Variants in PCDHA5 observed in about 807,000 individuals in gnomAD.
The protein encoded by PCDHA5 is protocadherin alpha 5.
In PCDHA5, 43 loss-of-function variants were observed where a neutral mutation model predicts 61.6. The ratio of observed to expected loss-of-function variants is 0.70; its 90% confidence interval spans 0.55 to 0.90. The LOEUF (loss-of-function observed/expected upper bound fraction) is 0.90, where lower values mean the gene tolerates loss of function less well. PCDHA5 is among the 40% of genes least tolerant of loss of function. PCDHA5 has a pLI of 0.00. For synonymous variants in PCDHA5, 627 were observed against 543.9 expected (o/e 1.15, Z -2.13); for missense variants, 1,298 against 1,222.7 (o/e 1.06, Z -0.92).
At chr5:140,886,201 T>C (rs1224274096) in intron 1 of PCDHA5, among the ~76,000 whole-genome samples, 2 of 152,140 alleles carry the variant, frequency 1.3e-5, no homozygotes, top group African/African-American at 2.4e-5. Flanking sequence ...AGTAATCTGT[T>C]CTCCATTTCT....
chr5:140,884,253 C>G (rs1356283866), intron 1 of PCDHA5: 2 of 1,613,302 alleles, frequency 1.2e-6, no homozygotes, highest in Non-Finnish European at 1.7e-6. Flanking sequence ...CTGACGGCCA[C>G]GGCAACGGTG....
chr5:140,870,229 C>G, intron 1 of PCDHA5: 3 of 1,614,164 alleles, frequency 1.9e-6, no homozygotes, highest in Non-Finnish European at 2.5e-6. Flanking sequence ...CGTGTCTGAC[C>G]GTGACTCAGG....
At chr5:140,835,920 G>C (rs2150248409) in intron 1 of PCDHA5, 2 of 1,612,396 alleles carry the variant, frequency 1.2e-6, no homozygotes, top group Non-Finnish European at 1.7e-6. Flanking sequence ...AGTGCACGCG[G>C]AGAGCGGCAA....
At position 140,856,560 on chromosome 5, in the gene PCDHA5, T is replaced by G. The variant is rs782375648; in HGVS notation, c.2352+32433T>G. 94 of 1,597,798 alleles carry G rather than the reference T, an allele frequency of 5.9e-5. 1 individual carries two copies. ...GAGAACGCATTGCTTACTTACAAAC[T>G]CAGTCCAAATGAGTATTTTGTTCTT... On this transcript the variant is annotated intron_variant, in intron 1 of 3. Transcript: ENST00000529859.
Position 140,836,049 on chromosome 5 carries a change from C to T in PCDHA5, c.2352+11922C>T, listed in dbSNP as rs1223853934. ...CAACGTGACGCTGCAGGTGTTCGTG[C>T]TGGACGAGAACGACAACGCGCCGGC... On this transcript the variant is annotated intron_variant, in intron 1 of 3. Transcript: ENST00000529859. 4 of 1,613,294 alleles carry T rather than the reference C, an allele frequency of 2.5e-6. No homozygotes were observed. The South Asian group carries it at 3.3e-5, about 13-fold the overall frequency.
chr5:140,873,656 A>G (rs1364222797), intron 1 of PCDHA5, among the ~76,000 whole-genome samples: 2 of 152,120 alleles, frequency 1.3e-5, no homozygotes, highest in Non-Finnish European at 2.9e-5. Flanking sequence ...TACATAACAC[A>G]CTATTATTAT....
intron 3 of PCDHA5, among the ~76,000 whole-genome samples, chr5:140,987,146 G>A (rs942853645): frequency 1.3e-5 from 2 of 151,812 alleles, no homozygotes; most frequent in Non-Finnish European, 2.9e-5. Flanking sequence ...CTCGGGAGGT[G>A]GAGGTTGCAG....
At chr5:140,892,819 A>G (rs551280418) in intron 1 of PCDHA5, among the ~76,000 whole-genome samples, 2 of 152,304 alleles carry the variant, frequency 1.3e-5, no homozygotes, top group South Asian at 4.1e-4. Context: ...TTTATCCTAC[A>G]GTGCTACAGT....
intron 1 of PCDHA5, among the ~76,000 whole-genome samples, chr5:140,945,772 T>C (rs538344111): frequency 1.3e-5 from 2 of 152,110 alleles, no homozygotes; most frequent in Non-Finnish European, 2.9e-5. Flanking sequence ...GACAATTTGA[T>C]ATCCAGATGC....
intron 1 of PCDHA5, chr5:140,830,261 T>C (rs1554132677): frequency 1.2e-6 from 2 of 1,613,550 alleles, no homozygotes; most frequent in African/African-American, 1.3e-5. Flanking sequence ...GCTGCGGTGC[T>C]CGGCGCCACC....
intron 1 of PCDHA5, chr5:140,871,257 G>A (rs374337862): frequency 1.2e-6 from 2 of 1,613,940 alleles, no homozygotes; most frequent in Admixed American, 1.7e-5. Context: ...TGCTGTATAC[G>A]GCGCTGTGGT....
intron 1 of PCDHA5, among the ~76,000 whole-genome samples, chr5:140,891,939 C>G (rs1475126639): frequency 3.3e-5 from 5 of 152,212 alleles, no homozygotes; most frequent in African/African-American, 1.2e-4. Flanking sequence ...TGGACTTCCC[C>G]TAGGCTCCAG....
intron 1 of PCDHA5, chr5:140,852,303 A>G: frequency 4.8e-6 from 2 of 418,848 alleles, no homozygotes; most frequent in Non-Finnish European, 6.7e-6. Flanking sequence ...TCTGAGACGG[A>G]GTCGTTTTCT....
At position 140,853,046 on chromosome 5, in the gene PCDHA5, T is replaced by C. The variant is rs2150527902; in HGVS notation, c.2352+28919T>C. 4 of 266,690 alleles carry C rather than the reference T, an allele frequency of 1.5e-5. No individual in the cohort carries two copies. The South Asian group carries it at 5.7e-4, about 38-fold the overall frequency. The allele number at this position is 266,690 out of a possible 1,614,324, so 16.5% of individuals were successfully genotyped here. On this transcript the variant is annotated intron_variant, in intron 1 of 3. Transcript: ENST00000529859. ...GGCGCCTGCCACCATGCCCGCCTAA[T>C]TTTTTTGTATTTTTAGTAGAGATGG...
At chr5:140,876,673 T>C (rs1554168774) in intron 1 of PCDHA5, 1 of 1,614,206 alleles carries the variant, frequency 6.2e-7, no homozygotes, top group Non-Finnish European at 8.5e-7. Flanking sequence ...GGTGTCCACC[T>C]ACAAGAATTA....
intron 3 of PCDHA5, among the ~76,000 whole-genome samples, chr5:141,002,815 T>G (rs1554258803): frequency 6.6e-6 from 1 of 152,176 alleles, no homozygotes; most frequent in African/African-American, 2.4e-5. Flanking sequence ...GGCTCAGAGA[T>G]ATTTATGTAA....
At chr5:140,837,919 TC>T (rs1554136703) in intron 1 of PCDHA5, among the ~76,000 whole-genome samples, 1 of 151,862 alleles carries the variant, frequency 6.6e-6, no homozygotes, top group African/African-American at 2.4e-5. Context: ...CTTCAAGCGA[TC>T]CTCCTACCTT....
At chr5:140,835,448 GTC>G in intron 1 of PCDHA5, 1 of 1,613,886 alleles carries the variant, frequency 6.2e-7, no homozygotes, top group East Asian at 2.2e-5. Flanking sequence ...TCACTTCCCT[GTC>G]TCTCCCTATT....
intron 1 of PCDHA5, chr5:140,828,951 C>T: frequency 1.9e-6 from 3 of 1,614,200 alleles, no homozygotes; most frequent in South Asian, 1.1e-5. Context: ...CTTGTTGCAG[C>T]CATGGTTATT....
Sources: allele counts gnomAD v4.1 joint callset (sites outside exome capture counted in the v4.1 genomes callset), GRCh38; gene constraint gnomAD v4.1.1; transcripts MANE v1.5; gene names NCBI Gene and HGNC (gene_info 2026-07-23, HGNC 2026-07-21).